Variants in SERPINB13 observed in about 807,000 individuals in gnomAD.
The protein encoded by SERPINB13 is serpin family B member 13, also known as serpin B13.
A neutral mutation model predicts 31.2 loss-of-function variants in SERPINB13; 26 were observed. The ratio of observed to expected loss-of-function variants is 0.83; its 90% CI spans 0.61 to 1.15. The LOEUF (loss-of-function observed/expected upper bound fraction) is 1.15. Among genes scored for constraint, SERPINB13 ranks in the 50% most tolerant of loss-of-function variants. The pLI, the probability that SERPINB13 is intolerant of heterozygous loss-of-function variation, is 0.00. For synonymous variants in SERPINB13, 191 were observed against 172.4 expected, an observed-to-expected ratio of 1.11 and a Z score of -0.85; for missense variants, 510 against 469.4, an observed-to-expected ratio of 1.09 and a Z score of -0.80.
At chr18:63,592,210 A>G in intron 3 of SERPINB13, 138 bp from the exon 4 acceptor site, 1 of 836,488 alleles carries the variant, frequency 1.2e-6, no homozygotes, top group Non-Finnish European at 1.8e-6. Flanking sequence ...CCTGATATCC[A>G]GGGGCCACAT....
At chr18:63,591,469 T>G (rs1911850898) in intron 3 of SERPINB13, among the ~76,000 whole-genome samples, 1 of 149,394 alleles carries the variant, frequency 6.7e-6, no homozygotes, top group Non-Finnish European at 1.5e-5. Context: ...CCTTCCTTCC[T>G]TCTACAAACA....
rs894404699 is a variant in SERPINB13 at position 63,588,809 on chromosome 18, G to A, written c.142G>A (p.Ala48Thr). Residue 48 changes from alanine (A) to threonine (T), a missense_variant, in exon 2 of 8, where the codon GCC (alanine) becomes ACC (threonine). Ala to Thr is a moderately conservative substitution (Grantham distance 58). Transcript: ENST00000344731. ...IGMVLLGTRG[A>T]TASQLEEVFH... is the part of the protein sequence containing the mutation. Reference sequence around the variant, plus strand: ...CATGGTCCTCCTGGGGACCCGAGGAGCCACCGCTTCCCAGTTGGAGGAGGT... The same window carrying A: ...CATGGTCCTCCTGGGGACCCGAGGAACCACCGCTTCCCAGTTGGAGGAGGT... The A allele has an allele frequency of 2.5e-6, 4 of 1,614,056 alleles. No individual in the cohort carries two copies. Among genetic ancestry groups the A allele is most frequent in the African/African-American group, 2.7e-5 (2 of 75,036 alleles).
chr18:63,597,089 C>G lies in SERPINB13; in HGVS notation c.902C>G (p.Ala301Gly). The G allele has an allele frequency of 1.2e-6, 2 of 1,614,210 alleles. No individual in the cohort carries two copies. The highest frequency in any genetic ancestry group is 1.7e-6 in the Non-Finnish European group (2 of 1,180,024). ...GGTTACGATCTAGAGGCGGTCCTGG[C>G]TGCCATGGGGATGGGCGATGCCTTC... ...EDGYDLEAVL[A>G]AMGMGDAFSE... Residue 301 changes from alanine (A) to glycine (G), a missense_variant, in exon 8 of 8, where the codon GCT becomes GGT. By Grantham distance (60) the Ala-to-Gly change is moderately conservative. Transcript: ENST00000344731.
chr18:63,588,665 A>T lies in SERPINB13; in HGVS notation c.-3A>T. ...TGCTATTCTAGGTCTCGCTAAAATC[A>T]TCATGGATTCACTTGGCGCCGTCAG... On this transcript the variant is annotated 5_prime_UTR_variant, in exon 2 of 8. Coordinates refer to ENST00000344731, the MANE Select transcript of SERPINB13 (RefSeq NM_012397.4). The T allele has an allele frequency of 6.2e-7, 1 of 1,614,168 alleles. No individual in the cohort carries two copies. The highest frequency in any genetic ancestry group is 8.5e-7 in the Non-Finnish European group (1 of 1,179,996).
chr18:63,598,762 T>C lies in SERPINB13; in HGVS notation c.*1399T>C, dbSNP rs1227430465. On this transcript the variant is annotated 3_prime_UTR_variant, in exon 8 of 8. Coordinates refer to ENST00000344731, the MANE Select transcript of SERPINB13 (RefSeq NM_012397.4). ...GTGTTCACATATGTTTTCATTTCTG[T>C]TGGGGAGATTCCTAGGCTAGAAATT... is the stretch of plus-strand genomic sequence containing the variant. The C allele has an allele frequency of 6.6e-6, 1 of 152,198 alleles. No individual in the cohort carries two copies. Among genetic ancestry groups the C allele is most frequent in the Non-Finnish European group, 1.5e-5 (1 of 68,014 alleles). 9.4% of individuals were successfully genotyped at this position (152,198 alleles called of 1,614,324 possible).
In SERPINB13 at chr18:63,593,038, T is replaced by C. The variant is rs888734658; in HGVS notation, c.472+67T>C. On this transcript the variant is annotated intron_variant, in intron 5 of 7. Coordinates refer to ENST00000344731, the MANE Select transcript of SERPINB13 (RefSeq NM_012397.4). ...AAAGAAACAAACAAACAAAAAACACTTCTTGACAACCTGCTGTGAATGAAG... is the reference window on the plus strand; with the variant it reads ...AAAGAAACAAACAAACAAAAAACACCTCTTGACAACCTGCTGTGAATGAAG... 8 of 1,023,634 alleles carry C rather than the reference T, an allele frequency of 7.8e-6. No individual in the cohort carries two copies. In the African/African-American group the frequency reaches 1.3e-4, roughly 16 times the overall value. 63.4% of individuals were successfully genotyped at this position (1,023,634 alleles called of 1,614,324 possible). A position where few individuals can be genotyped will look rare whatever the true frequency, so the allele number is the denominator to read the frequency against.
rs747280817 is a variant in SERPINB13, at chr18:63,594,356, A to G, written c.474A>G (p.Glu158=). The G allele has an allele frequency of 4.5e-5, 72 of 1,613,396 alleles. No individual in the cohort carries two copies. The highest frequency in any genetic ancestry group is 6.1e-5 in the Non-Finnish European group (72 of 1,179,862). Residue 158 remains glutamate (E), a splice_region_variant and synonymous_variant, in exon 6 of 8, where the codon GAA becomes GAG. Transcript: ENST00000344731. ...INSWVESKTN[E]KIKDLFPDGS... is the part of the protein sequence containing the mutation. ...CTTTTTCTGTTTCTTCATTTGCAGA[A>G]AAAATCAAGGACTTGTTCCCAGATG...
chr18:63,588,951 C>G, intron 2 of SERPINB13, 119 bp downstream of exon 2: 1 of 1,101,220 alleles, frequency 9.1e-7, no homozygotes, highest in Non-Finnish European at 1.3e-6. Context: ...GACCAGGAAA[C>G]AGAGACTTTC....
At chr18:63,588,503 G>A in intron 1 of SERPINB13, 148 bp from the exon 2 acceptor site, 1 of 714,270 alleles carries the variant, frequency 1.4e-6, no homozygotes, top group South Asian at 1.9e-5. Context: ...GAGAGGACGT[G>A]AGAAGCAGGC....
intron 3 of SERPINB13, among the ~76,000 whole-genome samples, chr18:63,590,610 T>TGG (rs1911796614): frequency 6.6e-6 from 1 of 152,242 alleles, no homozygotes; most frequent in South Asian, 2.1e-4. Context: ...TCAGAGCACA[T>TGG]TCTTTCTCAG....
rs924826170 is a variant in SERPINB13 at position 63,594,612 on chromosome 18, G to A, written c.615+115G>A. 17 of 1,114,662 alleles carry A rather than the reference G, an allele frequency of 1.5e-5. No individual in the cohort carries two copies. In the Admixed American group the frequency reaches 3.6e-4, roughly 23 times the overall value. 69.0% of individuals were successfully genotyped at this position (1,114,662 alleles called of 1,614,324 possible). A position where few individuals can be genotyped will look rare whatever the true frequency, so the allele number is the denominator to read the frequency against. ...TCCCAGCACTTTGGGAGGCCAAGGT[G>A]GGTGGATCATGAGATCAAGGGATCG... On this transcript the variant is annotated intron_variant, in intron 6 of 7. Coordinates refer to ENST00000344731, the MANE Select transcript of SERPINB13 (RefSeq NM_012397.4).
chr18:63,595,315 A>C, intron 7 of SERPINB13, 131 bp downstream of exon 7: 2 of 860,012 alleles, frequency 2.3e-6, no homozygotes, highest in Non-Finnish European at 1.8e-6. Flanking sequence ...CTACAGATGG[A>C]TGTCTACTGG....
chr18:63,594,946 T>C, intron 6 of SERPINB13, 83 bp from the exon 7 acceptor site: 1 of 1,288,860 alleles, frequency 7.8e-7, no homozygotes, highest in East Asian at 2.4e-5. Context: ...ATTGAGCTAA[T>C]TATTTTGATG....
chr18:63,589,700 T>C lies in SERPINB13; in HGVS notation c.210T>C (p.Ala70=), dbSNP rs1911736994. Residue 70 remains alanine, a synonymous_variant, in exon 3 of 8, where the codon GCT becomes GCC. Coordinates refer to ENST00000344731, the MANE Select transcript of SERPINB13 (RefSeq NM_012397.4). ...AGACGAAGAGCTCAAGAATAAAGGC[T>C]GAAGAAAAAGAGGTGGTAAGAATAA... ...EKETKSSRIK[A]EEKEVIENTE... 3 of 1,612,988 alleles carry C rather than the reference T, an allele frequency of 1.9e-6. No individual in the cohort carries two copies. The South Asian group carries it at 3.3e-5, about 18-fold the overall frequency.
At chr18:63,591,825 A>G (rs959863179) in intron 3 of SERPINB13, among the ~76,000 whole-genome samples, 1 of 152,116 alleles carries the variant, frequency 6.6e-6, no homozygotes, top group Non-Finnish European at 1.5e-5. Flanking sequence ...CAGAAAACTG[A>G]TGGGTCCTAC....
chr18:63,594,560 G>C, intron 6 of SERPINB13, 63 bp downstream of exon 6: 1 of 1,565,508 alleles, frequency 6.4e-7, no homozygotes. Context: ...TAAAGTCATG[G>C]CTGGGCGTGG....
chr18:63,596,860 A>T, intron 7 of SERPINB13, 99 bp from the exon 8 acceptor site: 1 of 974,400 alleles, frequency 1.0e-6, no homozygotes, highest in Non-Finnish European at 1.5e-6. Context: ...TTTTAATATT[A>T]CTAAAATTAA....
chr18:63,595,370 C>T (rs1017510558), intron 7 of SERPINB13, among the ~76,000 whole-genome samples, 186 bp downstream of exon 7: 3 of 152,110 alleles, frequency 2.0e-5, no homozygotes, highest in African/African-American at 7.2e-5. Context: ...AACAACTAAT[C>T]CTAGAATGTT....
Position 63,589,706 on chromosome 18 carries a change from A to G in SERPINB13, c.216A>G (p.Glu72=). The change falls in exon 3 of 8, where the codon GAA becomes GAG. Residue 72 remains glutamate, a synonymous_variant. Coordinates refer to ENST00000344731, the MANE Select transcript of SERPINB13 (RefSeq NM_012397.4). ...ETKSSRIKAE[E]KEVIENTEAV... ...AGAGCTCAAGAATAAAGGCTGAAGA[A>G]AAAGAGGTGGTAAGAATAAAGGCTG... 1 of 1,613,518 alleles carries G rather than the reference A, an allele frequency of 6.2e-7. No homozygotes were observed. The highest frequency in any genetic ancestry group is 8.5e-7 in the Non-Finnish European group (1 of 1,179,434).
Sources: allele counts gnomAD v4.1 joint callset (sites outside exome capture counted in the v4.1 genomes callset), GRCh38; gene constraint gnomAD v4.1.1; transcripts MANE v1.5; gene names NCBI Gene and HGNC (gene_info 2026-07-23, HGNC 2026-07-21).